Variants in TCEA3 observed in about 807,000 individuals in gnomAD.
TCEA3 encodes transcription elongation factor A3, also known as transcription elongation factor A protein 3.
A neutral mutation model predicts 44.0 loss-of-function variants in TCEA3; 36 were observed. The ratio of observed to expected loss-of-function variants is 0.82; its 90% CI spans 0.63 to 1.08. The LOEUF (loss-of-function observed/expected upper bound fraction) is 1.08, where lower values mean the gene tolerates loss of function less well. TCEA3 is among the 50% of genes least tolerant of loss of function. TCEA3 has a pLI of 0.00. For synonymous variants in TCEA3, 162 were observed against 159.7 expected, an observed-to-expected ratio of 1.01 and a Z score of -0.11; for missense variants, 392 against 441.2, an observed-to-expected ratio of 0.89 and a Z score of 1.00.
At chr1:23,394,576 A>G (rs1267719247) in intron 7 of TCEA3, among the ~76,000 whole-genome samples, 1 of 152,222 alleles carries the variant, frequency 6.6e-6, no homozygotes, top group Non-Finnish European at 1.5e-5. Context: ...AAGTATTGCA[A>G]AAAAGAAACC....
chr1:23,421,412 C>T (rs1016640729), intron 1 of TCEA3, among the ~76,000 whole-genome samples: 3 of 152,042 alleles, frequency 2.0e-5, no homozygotes, highest in East Asian at 1.9e-4. Context: ...TTAGCATGGG[C>T]GCAGATCTGT....
At chr1:23,385,848 T>C (rs1387539923) in intron 9 of TCEA3, among the ~76,000 whole-genome samples, 2 of 152,212 alleles carry the variant, frequency 1.3e-5, no homozygotes, top group African/African-American at 2.4e-5. Context: ...GTTAGCTGGA[T>C]TGCAGGCAGA....
At chr1:23,384,662 CTTTTTTTTT>C (rs11341961) in intron 9 of TCEA3, among the ~76,000 whole-genome samples, 3 of 116,482 alleles carry the variant, frequency 2.6e-5, no homozygotes, top group Middle Eastern at 4.3e-3. Context: ...TGCACTTCCG[CTTTTTTTTT>C]TTTTTTTTTT....
intron 5 of TCEA3, among the ~76,000 whole-genome samples, chr1:23,408,339 C>T (rs1639610899): frequency 6.6e-6 from 1 of 152,168 alleles, no homozygotes; most frequent in South Asian, 2.1e-4. Flanking sequence ...AGTGATGGGG[C>T]AACAGCAACC....
At chr1:23,406,051 C>G (rs1350873994) in intron 5 of TCEA3, among the ~76,000 whole-genome samples, 1 of 152,150 alleles carries the variant, frequency 6.6e-6, no homozygotes, top group African/African-American at 2.4e-5. Flanking sequence ...ATGACCCCTG[C>G]TGAGATCCAC....
intron 10 of TCEA3, among the ~76,000 whole-genome samples, chr1:23,382,691 T>C (rs984669498): frequency 1.3e-5 from 2 of 152,224 alleles, no homozygotes; most frequent in African/African-American, 4.8e-5. Context: ...TTACCTTCTC[T>C]ACTCCTCAAA....
At chr1:23,401,621 A>C (rs1639397272) in intron 5 of TCEA3, among the ~76,000 whole-genome samples, 1 of 152,158 alleles carries the variant, frequency 6.6e-6, no homozygotes, top group African/African-American at 2.4e-5. Context: ...CCACCTGAAC[A>C]GTCACAATAG....
At chr1:23,422,603 G>A (rs1042070855) in intron 1 of TCEA3, among the ~76,000 whole-genome samples, 6 of 152,014 alleles carry the variant, frequency 3.9e-5, no homozygotes, top group Admixed American at 2.0e-4. Context: ...CACCTTTCTC[G>A]GCCAGACGCC....
At chr1:23,397,651 G>T (rs1204109481) in intron 6 of TCEA3, 50 bp from the exon 7 acceptor site, 1 of 1,606,114 alleles carries the variant, frequency 6.2e-7, no homozygotes, top group Non-Finnish European at 8.5e-7. Context: ...AACGTAGGCA[G>T]TGAAGCCTGC....
intron 9 of TCEA3, among the ~76,000 whole-genome samples, chr1:23,385,460 A>G (rs1638808050): frequency 6.6e-6 from 1 of 152,236 alleles, no homozygotes; most frequent in South Asian, 2.1e-4. Flanking sequence ...CCACACGGAA[A>G]GGTGCTTGGG....
chr1:23,411,796 G>A (rs1307204912), intron 4 of TCEA3, among the ~76,000 whole-genome samples: 3 of 152,210 alleles, frequency 2.0e-5, no homozygotes, highest in Non-Finnish European at 4.4e-5. Flanking sequence ...TCCTTTCCCT[G>A]ACTTCTTAAG....
At position 23,417,922 on chromosome 1, in the gene TCEA3, T is replaced by A; in HGVS notation, c.220A>T (p.Asn74Tyr). 1 of 1,614,052 alleles carries A rather than the reference T, an allele frequency of 6.2e-7. No individual in the cohort carries two copies. The highest frequency in any genetic ancestry group is 8.5e-7 in the Non-Finnish European group (1 of 1,179,902). Residue 74 changes from asparagine to tyrosine, a missense_variant, in exon 3 of 11, where the codon AAC becomes TAC. Physicochemically the swap from Asn to Tyr is moderately radical, Grantham distance 143 (BLOSUM62 -2). Transcript: ENST00000450454. ...VVSLAKVLIK[N>Y]WKRLLDSPGP... The stretch of plus-strand genomic sequence containing the variant: ...CTCTCACCTAGCAGCCGCTTCCAGT[T>A]TTTGATAAGGACTTTGGCCAAGGAC...
chr1:23,398,409 C>T (rs1639283696), intron 5 of TCEA3, among the ~76,000 whole-genome samples: 1 of 152,214 alleles, frequency 6.6e-6, no homozygotes. Flanking sequence ...TTCACTCATT[C>T]ACTAAATATT....
chr1:23,407,442 C>T (rs1046993259), intron 5 of TCEA3, among the ~76,000 whole-genome samples: 5 of 152,068 alleles, frequency 3.3e-5, no homozygotes, highest in African/African-American at 1.2e-4. Context: ...TTACTCATTC[C>T]CCCAACCCTC....
chr1:23,389,342 A>G (rs1427038477), intron 8 of TCEA3, among the ~76,000 whole-genome samples: 1 of 152,158 alleles, frequency 6.6e-6, no homozygotes, highest in Non-Finnish European at 1.5e-5. Context: ...ACAAAAAATT[A>G]GCTGGGTGTG....
rs571790401 is a variant in TCEA3, at chr1:23,417,757, A to C, written c.238+147T>G. On this transcript the variant is annotated intron_variant, in intron 3 of 10. Transcript: ENST00000450454. The stretch of plus-strand genomic sequence containing the variant: ...TGTACACAAACATTGGCAGTCCCCC[A>C]CTAGCTACCTCCCGGATCCAGAGGC... 1.4e-4 allele frequency: 102 copies of C among 746,880 alleles called. No individual in the cohort carries two copies. In the African/African-American group the frequency reaches 1.7e-3, roughly 12 times the overall value. 46.3% of individuals were successfully genotyped at this position (746,880 alleles called of 1,614,324 possible). A position where few individuals can be genotyped will look rare whatever the true frequency, so the allele number is the denominator to read the frequency against.
At chr1:23,417,783 C>T in intron 3 of TCEA3, 121 bp downstream of exon 3, 1 of 875,766 alleles carries the variant, frequency 1.1e-6, no homozygotes, top group Non-Finnish European at 1.8e-6. Flanking sequence ...ATCCAGAGGC[C>T]ATCTGTCACT....
intron 1 of TCEA3, among the ~76,000 whole-genome samples, chr1:23,420,381 A>G (rs1570297789): frequency 6.6e-6 from 1 of 152,312 alleles, no homozygotes; most frequent in Admixed American, 6.5e-5. Context: ...AGCTGGGACC[A>G]CAGGTATGCA....
chr1:23,411,433 C>G (rs1639702434), intron 4 of TCEA3: 1 of 181,812 alleles, frequency 5.5e-6, no homozygotes, highest in African/African-American at 2.4e-5. Flanking sequence ...GCTGGGATTA[C>G]AAGCATGAGT....
Sources: allele counts gnomAD v4.1 joint callset (sites outside exome capture counted in the v4.1 genomes callset), GRCh38; gene constraint gnomAD v4.1.1; transcripts MANE v1.5; gene names NCBI Gene and HGNC (gene_info 2026-07-23, HGNC 2026-07-21).